SNX29: variants seen among roughly 807,000 people sequenced by gnomAD.
SNX29 encodes sorting nexin 29, also known as sorting nexin-29.
In SNX29, 78 loss-of-function variants were observed where a neutral mutation model predicts 102.1. The observed-to-expected ratio is 0.76, with a 90% CI of 0.64 to 0.92. SNX29 has a LOEUF of 0.92. Among genes scored for constraint, SNX29 ranks in the 40% least tolerant of loss-of-function variants. The pLI is 0.00. For synonymous variants in SNX29, 580 were observed against 414.5 expected (o/e 1.40, Z -4.85); for missense variants, 1,280 against 1,061.7 (o/e 1.21, Z -2.86).
intron 20 of SNX29, among the ~76,000 whole-genome samples, chr16:12,551,623 G>A (rs920763819): frequency 2.0e-5 from 3 of 152,184 alleles, no homozygotes; most frequent in South Asian, 2.1e-4. Context: ...TGAGTCTGAG[G>A]CATCAACCCA....
chr16:12,322,113 C>T (rs1330125311), intron 15 of SNX29, among the ~76,000 whole-genome samples: 1 of 152,170 alleles, frequency 6.6e-6, no homozygotes, highest in Non-Finnish European at 1.5e-5. Flanking sequence ...TCCAACAGTG[C>T]CAGGCTTCTC....
intron 14 of SNX29, among the ~76,000 whole-genome samples, chr16:12,232,491 A>T (rs1282881592): frequency 6.6e-6 from 1 of 152,254 alleles, no homozygotes; most frequent in East Asian, 1.9e-4. Flanking sequence ...ACTGCACTCC[A>T]GGCTGGGCCA....
intron 20 of SNX29, among the ~76,000 whole-genome samples, chr16:12,561,709 C>T (rs952141484): frequency 2.0e-5 from 3 of 152,288 alleles, no homozygotes; most frequent in Non-Finnish European, 2.9e-5. Flanking sequence ...CTCCCCAGTG[C>T]TGTGTTAAGT....
chr16:12,567,384 T>C (rs1269858813), intron 20 of SNX29, among the ~76,000 whole-genome samples: 1 of 152,190 alleles, frequency 6.6e-6, no homozygotes. Flanking sequence ...TTTATCCCAG[T>C]GAGGTATTTA....
intron 20 of SNX29, among the ~76,000 whole-genome samples, chr16:12,563,781 G>A (rs1035534503): frequency 1.3e-5 from 2 of 152,172 alleles, no homozygotes; most frequent in Non-Finnish European, 2.9e-5. Flanking sequence ...CTGCCGACCT[G>A]TCTGAAGACT....
At chr16:12,229,918 G>C (rs1596567357) in intron 14 of SNX29, among the ~76,000 whole-genome samples, 1 of 152,060 alleles carries the variant, frequency 6.6e-6, no homozygotes. Flanking sequence ...TCTAGGACAG[G>C]GTTCAGCAAA....
At chr16:12,071,946 G>T (rs1041179839) in intron 10 of SNX29, among the ~76,000 whole-genome samples, 1 of 152,300 alleles carries the variant, frequency 6.6e-6, no homozygotes, top group East Asian at 1.9e-4. Context: ...GTGAATGGGA[G>T]TTCACTCATG....
At chr16:12,348,736 G>A (rs930038685) in intron 15 of SNX29, among the ~76,000 whole-genome samples, 3 of 152,174 alleles carry the variant, frequency 2.0e-5, no homozygotes, top group Non-Finnish European at 4.4e-5. Flanking sequence ...TGGGGAATCC[G>A]AATCCCAGTT....
intron 13 of SNX29, chr16:12,135,419 C>T: frequency 1.1e-6 from 1 of 934,336 alleles, no homozygotes; most frequent in Non-Finnish European, 1.5e-6. Flanking sequence ...CCACCCAGGC[C>T]TGGACAGTTG....
At chr16:12,322,276 G>A (rs1300850596) in intron 15 of SNX29, among the ~76,000 whole-genome samples, 5 of 152,138 alleles carry the variant, frequency 3.3e-5, no homozygotes, top group African/African-American at 4.8e-5. Flanking sequence ...GGAGCTGGGC[G>A]AGGAGTCAGC....
At chr16:12,127,572 C>A (rs1276657485) in intron 12 of SNX29, among the ~76,000 whole-genome samples, 2 of 152,064 alleles carry the variant, frequency 1.3e-5, no homozygotes, top group South Asian at 2.1e-4. Context: ...CAGGCGCATG[C>A]CACCATGCCC....
chr16:12,352,116 C>A (rs533097931), intron 15 of SNX29, among the ~76,000 whole-genome samples: 25 of 152,254 alleles, frequency 1.6e-4, no homozygotes, highest in African/African-American at 5.8e-4. Flanking sequence ...GGAACCCACC[C>A]AAATGTCCAA....
intron 18 of SNX29, among the ~76,000 whole-genome samples, chr16:12,411,739 G>A (rs1292763209): frequency 1.3e-5 from 2 of 152,088 alleles, no homozygotes; most frequent in East Asian, 1.9e-4. Context: ...AGGTAGCCTC[G>A]CTCTGCAGAG....
Position 12,367,636 on chromosome 16 carries a change from G to A in SNX29, c.1899+11357G>A, listed in dbSNP as rs558799784. ...AGTGATCTCATTTGAGGGCTGATGC[G>A]ATTTAAGTATGAAAGCTTAATAAGA... On this transcript the variant is annotated intron_variant, in intron 16 of 20. Coordinates refer to ENST00000566228, the MANE Select transcript of SNX29 (RefSeq NM_032167.5). Among the ~76,000 whole-genome samples, 3 of 152,342 alleles carry A rather than the reference G, an allele frequency of 2.0e-5. No individual in the cohort carries two copies. In the East Asian group the frequency reaches 5.8e-4, roughly 29 times the overall value.
intron 3 of SNX29, among the ~76,000 whole-genome samples, chr16:12,009,598 T>C (rs2056580509): frequency 6.6e-6 from 1 of 152,056 alleles, no homozygotes; most frequent in Non-Finnish European, 1.5e-5. Flanking sequence ...ACTTGTTTTT[T>C]CCTTCAGATG....
intron 20 of SNX29, among the ~76,000 whole-genome samples, chr16:12,558,756 T>A (rs1279995359): frequency 6.6e-6 from 1 of 152,216 alleles, no homozygotes; most frequent in Non-Finnish European, 1.5e-5. Flanking sequence ...CCAGGCCCAT[T>A]GGGTGATCAT....
intron 15 of SNX29, among the ~76,000 whole-genome samples, chr16:12,350,232 G>T (rs1230546326): frequency 1.3e-5 from 2 of 152,176 alleles, no homozygotes; most frequent in African/African-American, 4.8e-5. Context: ...ACCAACTGGG[G>T]AGCAAAAATA....
intron 20 of SNX29, among the ~76,000 whole-genome samples, chr16:12,548,199 C>CCCA (rs538806808): frequency 3.6e-4 from 55 of 152,312 alleles, no homozygotes; most frequent in African/African-American, 1.2e-3. Flanking sequence ...CACAGCGCCT[C>CCCA]CCACAAGGCC....
intron 14 of SNX29, among the ~76,000 whole-genome samples, chr16:12,262,664 A>G (rs1274865521): frequency 1.3e-5 from 2 of 152,248 alleles, no homozygotes; most frequent in Non-Finnish European, 2.9e-5. Context: ...GTAAGAGTAC[A>G]TAAACCTGTG....
Sources: allele counts gnomAD v4.1 joint callset (sites outside exome capture counted in the v4.1 genomes callset), GRCh38; gene constraint gnomAD v4.1.1; transcripts MANE v1.5; gene names NCBI Gene and HGNC (gene_info 2026-07-23, HGNC 2026-07-21).